The following BCAT1 variants were observed in gnomAD, a reference collection of about 807,000 sequenced individuals.
The protein encoded by BCAT1 is branched chain amino acid transaminase 1.
Under a neutral mutation model 52.4 loss-of-function variants are expected in BCAT1, and 48 were observed. The observed-to-expected ratio is 0.92, with a 90% CI of 0.73 to 1.16. The LOEUF is 1.16. Ranked by LOEUF, BCAT1 falls within the 50% of genes most tolerant of loss-of-function variation. BCAT1 has a pLI of 0.00. For missense variants in BCAT1, 451 were observed against 457.1 expected (o/e 0.99, Z 0.12); for synonymous variants, 167 against 161.3 (o/e 1.04, Z -0.27).
chr12:24,841,359 T>A (rs895492944), intron 7 of BCAT1, among the ~76,000 whole-genome samples: 4 of 152,240 alleles, frequency 2.6e-5, no homozygotes, highest in African/African-American at 9.6e-5. Flanking sequence ...ATCAGTACAC[T>A]GCATTTATTA....
Position 24,836,578 on chromosome 12 carries a change from G to C in BCAT1, c.836C>G (p.Pro279Arg). 1 of 1,612,228 alleles carries C rather than the reference G, an allele frequency of 6.2e-7. No homozygotes were observed. The highest frequency in any genetic ancestry group is 8.5e-7 in the Non-Finnish European group (1 of 1,179,168). ...TGGAAGAATGATGCCATCTAGTGGAGGAGTTGCCAGTTCTTCTTCTGTCAA... is the reference window on the plus strand; with the variant it reads ...TGGAAGAATGATGCCATCTAGTGGACGAGTTGCCAGTTCTTCTTCTGTCAA... ...NEDGEEELAT[P>R]PLDGIILPGV... is the part of the protein sequence containing the mutation. The change falls in exon 8 of 11, where the codon CCT (proline) becomes CGT (arginine). Residue 279 changes from proline to arginine, a missense_variant. By Grantham distance (103) the Pro-to-Arg change is moderately radical. Coordinates refer to ENST00000261192, the MANE Select transcript of BCAT1 (RefSeq NM_005504.7).
chr12:24,902,951 C>T, intron 1 of BCAT1: 3 of 1,506,824 alleles, frequency 2.0e-6, no homozygotes, highest in Non-Finnish European at 1.8e-6. Context: ...AGGTACCTGG[C>T]GGGCAAGGGC....
intron 1 of BCAT1, among the ~76,000 whole-genome samples, chr12:24,908,482 A>G (rs1246216725): frequency 1.3e-5 from 2 of 152,214 alleles, no homozygotes; most frequent in African/African-American, 4.8e-5. Flanking sequence ...CACACCTGTA[A>G]TCCCCCCACT....
chr12:24,861,226 A>G (rs1019724810), intron 5 of BCAT1, among the ~76,000 whole-genome samples: 1 of 152,228 alleles, frequency 6.6e-6, no homozygotes, highest in Non-Finnish European at 1.5e-5. Context: ...CTCAGAAGAA[A>G]CAGAAGGGTA....
At chr12:24,917,927 G>A (rs1943443542) in intron 1 of BCAT1, among the ~76,000 whole-genome samples, 4 of 152,218 alleles carry the variant, frequency 2.6e-5, no homozygotes, top group Admixed American at 1.3e-4. Context: ...GAAAATCAAA[G>A]TGAGCATTGT....
At chr12:24,896,757 A>C (rs1169463488) in intron 2 of BCAT1, among the ~76,000 whole-genome samples, 1 of 151,824 alleles carries the variant, frequency 6.6e-6, no homozygotes, top group Non-Finnish European at 1.5e-5. Flanking sequence ...TAAGAGTGGA[A>C]CTCCATCTCA....
chr12:24,813,738 A>T lies in BCAT1; in HGVS notation c.*4270T>A, dbSNP rs949649346. 4 of 152,066 alleles carry T rather than the reference A, an allele frequency of 2.6e-5. No individual in the cohort carries two copies. Among genetic ancestry groups the T allele is most frequent in the Admixed American group, 6.6e-5 (1 of 15,262 alleles). The allele number at this position is 152,066 out of a possible 1,614,324, so 9.4% of individuals were successfully genotyped here. A position where few individuals can be genotyped will look rare whatever the true frequency, so the allele number is the denominator to read the frequency against. ...ACTAGAAGAAAGGAAGGAATTAAAGAAGGATAAAGTTGCTTTAAAAATGAG... is the reference window on the plus strand; with the variant it reads ...ACTAGAAGAAAGGAAGGAATTAAAGTAGGATAAAGTTGCTTTAAAAATGAG... On this transcript the variant is annotated 3_prime_UTR_variant, in exon 11 of 11. Transcript: ENST00000261192.
chr12:24,894,332 C>T lies in BCAT1; in HGVS notation c.222G>A (p.Lys74=), dbSNP rs771158462. 1.9e-6 allele frequency: 3 copies of T among 1,613,926 alleles called. No individual in the cohort carries two copies. The highest frequency in any genetic ancestry group is 3.3e-5 in the Admixed American group (2 of 60,012). Residue 74 remains lysine, a synonymous_variant, in exon 3 of 11, where the codon AAG becomes AAA. Coordinates refer to ENST00000261192, the MANE Select transcript of BCAT1 (RefSeq NM_005504.7). The part of the protein sequence containing the change: ...SEFGWEKPHI[K]PLQNLSLHPG... ...GGTGCAATGACAGGTTCTGAAGAGGCTTGATATGAGGTTTCTCCCATCCAA... is the reference window on the plus strand; with the variant it reads ...GGTGCAATGACAGGTTCTGAAGAGGTTTGATATGAGGTTTCTCCCATCCAA...
At chr12:24,882,599 T>TA (rs1366797917) in intron 3 of BCAT1, among the ~76,000 whole-genome samples, 1 of 145,376 alleles carries the variant, frequency 6.9e-6, no homozygotes, top group African/African-American at 2.5e-5. Context: ...TATTATTTAT[T>TA]TTTTTTTTTT....
At chr12:24,898,158 G>T (rs985795180) in intron 2 of BCAT1, among the ~76,000 whole-genome samples, 16 of 152,218 alleles carry the variant, frequency 1.1e-4, no homozygotes, top group Non-Finnish European at 2.2e-4. Context: ...TTTTATCAGT[G>T]TTCTTTAAAA....
chr12:24,865,520 T>C (rs1305885868), intron 5 of BCAT1, among the ~76,000 whole-genome samples: 2 of 152,234 alleles, frequency 1.3e-5, no homozygotes, highest in Non-Finnish European at 2.9e-5. Flanking sequence ...TCCTGCTTTA[T>C]TCAATTTACT....
At chr12:24,831,989 C>T (rs1291334816) in intron 9 of BCAT1, among the ~76,000 whole-genome samples, 1 of 152,066 alleles carries the variant, frequency 6.6e-6, no homozygotes, top group African/African-American at 2.4e-5. Flanking sequence ...ACCAGGTTTG[C>T]CAATGAATAA....
At chr12:24,861,377 T>A (rs928429937) in intron 5 of BCAT1, among the ~76,000 whole-genome samples, 1 of 152,274 alleles carries the variant, frequency 6.6e-6, no homozygotes, top group Non-Finnish European at 1.5e-5. Flanking sequence ...ATACTTATTT[T>A]GCTTTACTGT....
intron 1 of BCAT1, among the ~76,000 whole-genome samples, chr12:24,926,815 C>A (rs1943595374): frequency 6.6e-6 from 1 of 152,186 alleles, no homozygotes; most frequent in Non-Finnish European, 1.5e-5. Context: ...GGGACACAAA[C>A]ACTGCGGAAG....
At chr12:24,901,777 G>C (rs759064366) in intron 2 of BCAT1, 37 bp downstream of exon 2, 1 of 1,591,114 alleles carries the variant, frequency 6.3e-7, no homozygotes. Context: ...TCAGTTGAAC[G>C]TTGCTTTAGA....
chr12:24,829,113 G>A (rs1177830812), intron 10 of BCAT1, among the ~76,000 whole-genome samples: 1 of 152,060 alleles, frequency 6.6e-6, no homozygotes, highest in East Asian at 1.9e-4. Flanking sequence ...GCAGGGCACA[G>A]TGGTTCATGC....
chr12:24,929,204 A>G (rs1181666162), intron 1 of BCAT1, among the ~76,000 whole-genome samples: 1 of 152,204 alleles, frequency 6.6e-6, no homozygotes, highest in Non-Finnish European at 1.5e-5. Flanking sequence ...AACAATCCCA[A>G]ACTTCTAAAG....
chr12:24,939,808 T>G (rs1943821399), intron 1 of BCAT1, among the ~76,000 whole-genome samples: 1 of 152,184 alleles, frequency 6.6e-6, no homozygotes, highest in African/African-American at 2.4e-5. Context: ...CACTCCAGTC[T>G]GGGCGACAGA....
At chr12:24,846,108 T>C (rs1489499866) in intron 6 of BCAT1, among the ~76,000 whole-genome samples, 3 of 152,214 alleles carry the variant, frequency 2.0e-5, no homozygotes, top group Non-Finnish European at 4.4e-5. Flanking sequence ...GCATACACAT[T>C]TCTGAAAGTG....
Sources: allele counts gnomAD v4.1 joint callset (sites outside exome capture counted in the v4.1 genomes callset), GRCh38; gene constraint gnomAD v4.1.1; transcripts MANE v1.5; gene names NCBI Gene and HGNC (gene_info 2026-07-23, HGNC 2026-07-21).